ARL5B: variants seen among roughly 807,000 people sequenced by gnomAD.
The protein encoded by ARL5B is ADP-ribosylation factor-like protein 5B.
ARL5B carries 10 observed loss-of-function variants against 26.9 expected under a neutral mutation model. That is an observed-to-expected ratio of 0.37 (90% CI 0.23 to 0.63). The LOEUF is 0.63. Ranked by LOEUF, ARL5B falls within the 30% of genes least tolerant of loss-of-function variation. The pLI is 0.62. For synonymous variants in ARL5B, 87 were observed against 70.4 expected, an observed-to-expected ratio of 1.24 and a Z score of -1.18; for missense variants, 167 against 213.9, an observed-to-expected ratio of 0.78 and a Z score of 1.37.
intron 3 of ARL5B, among the ~76,000 whole-genome samples, chr10:18,670,226 G>A (rs576045749): frequency 3.9e-5 from 6 of 152,212 alleles, no homozygotes; most frequent in African/African-American, 1.2e-4. Context: ...ATTTTATTGG[G>A]TATGCAGAAG....
chr10:18,675,543 A>G lies in ARL5B; in HGVS notation c.*327A>G, dbSNP rs749328983. ...TCTTCTGAAATATTCTTATAACCTT[A>G]ATGACCAATTGCTTTCAATTCTTGA... On this transcript the variant is annotated 3_prime_UTR_variant, in exon 6 of 6. Transcript: ENST00000377275. 1.1e-4 allele frequency: 26 copies of G among 243,438 alleles called. No individual in the cohort carries two copies. Among genetic ancestry groups the G allele is most frequent in the Non-Finnish European group, 1.9e-4 (23 of 122,724 alleles). The allele number at this position is 243,438 out of a possible 1,614,324, so 15.1% of individuals were successfully genotyped here.
Position 18,668,510 on chromosome 10 carries a change from C to T in ARL5B, c.108-20C>T, listed in dbSNP as rs201475813. On this transcript the variant is annotated intron_variant, in intron 2 of 5. Transcript: ENST00000377275. ...TTCTCAAGATTTACAAGAGCTTTTA[C>T]GGTGTCTGTTTTTCAACAGCTTAAT... 1.7e-5 allele frequency: 27 copies of T among 1,611,848 alleles called. No individual in the cohort carries two copies. Among genetic ancestry groups the T allele is most frequent in the East Asian group, 8.9e-5 (4 of 44,834 alleles).
At position 18,676,215 on chromosome 10, in the gene ARL5B, A is replaced by G. The variant is rs559383949; in HGVS notation, c.*999A>G. ...AATTTGAAGTCGTGTCTGTCATAGC[A>G]TTTTTACTACCAGCAGTATGTTACT... is the stretch of plus-strand genomic sequence containing the variant. On this transcript the variant is annotated 3_prime_UTR_variant, in exon 6 of 6. Coordinates refer to ENST00000377275, the MANE Select transcript of ARL5B (RefSeq NM_178815.5). 1 of 152,534 alleles carries G rather than the reference A, an allele frequency of 6.6e-6. No homozygotes were observed. Among genetic ancestry groups the G allele is most frequent in the Admixed American group, 6.5e-5 (1 of 15,272 alleles). 9.4% of individuals were successfully genotyped at this position (152,534 alleles called of 1,614,324 possible).
intron 1 of ARL5B, among the ~76,000 whole-genome samples, 177 bp from the exon 2 acceptor site, chr10:18,666,398 T>C (rs899345716): frequency 6.6e-6 from 1 of 152,250 alleles, no homozygotes; most frequent in Admixed American, 6.5e-5. Flanking sequence ...ATAATTGATT[T>C]TGTTACTTAA....
chr10:18,674,189 T>G (rs2059900525), intron 5 of ARL5B, 54 bp downstream of exon 5: 5 of 1,519,142 alleles, frequency 3.3e-6, no homozygotes, highest in Non-Finnish European at 4.4e-6. Flanking sequence ...TCTTCCAACT[T>G]TTTAGGCCAA....
intron 1 of ARL5B, 73 bp downstream of exon 1, chr10:18,659,756 A>G: frequency 6.3e-7 from 1 of 1,583,790 alleles, no homozygotes; most frequent in Non-Finnish European, 8.6e-7. Context: ...GACACCGGAG[A>G]CAGGGGACAG....
In ARL5B at chr10:18,670,698, C is replaced by T. The variant is rs186830245; in HGVS notation, c.256-1924C>T. Among the ~76,000 whole-genome samples, 27 of 152,274 alleles carry T rather than the reference C, an allele frequency of 1.8e-4. 1 individual carries two copies. In the East Asian group the frequency reaches 4.8e-3, roughly 27 times the overall value. On this transcript the variant is annotated intron_variant, in intron 3 of 5. Coordinates refer to ENST00000377275, the MANE Select transcript of ARL5B (RefSeq NM_178815.5). ...AGAGCTGTTAGTAGTTTTAAGCTCA[C>T]AGTTAACTCCAGCTGTGAAAAGGGC...
In ARL5B at chr10:18,674,194, G is replaced by A; in HGVS notation, c.491+59G>A. ...CTTTCAAATTTCTTCCAACTTTTTA[G>A]GCCAACTTGTTTTCTTCATGGGTCC... On this transcript the variant is annotated intron_variant, in intron 5 of 5. Transcript: ENST00000377275. The A allele has an allele frequency of 2.7e-6, 4 of 1,505,330 alleles. No homozygotes were observed. The South Asian group carries it at 5.2e-5, about 20-fold the overall frequency. The allele number at this position is 1,505,330 out of a possible 1,614,324, so 93.2% of individuals were successfully genotyped here. A position where few individuals can be genotyped will look rare whatever the true frequency, so the allele number is the denominator to read the frequency against.
chr10:18,673,349 T>A (rs981103121), intron 4 of ARL5B, among the ~76,000 whole-genome samples: 2 of 152,146 alleles, frequency 1.3e-5, no homozygotes, highest in Non-Finnish European at 2.9e-5. Context: ...TGTGAGCCAC[T>A]GTGCCTGGCC....
intron 1 of ARL5B, among the ~76,000 whole-genome samples, chr10:18,664,026 T>A (rs953612728): frequency 1.3e-5 from 2 of 151,996 alleles, no homozygotes; most frequent in Non-Finnish European, 2.9e-5. Context: ...CAATCTCAGC[T>A]CACTGCCACC....
chr10:18,674,841 A>G (rs796535466), intron 5 of ARL5B, among the ~76,000 whole-genome samples: 16 of 152,290 alleles, frequency 1.1e-4, no homozygotes, highest in African/African-American at 3.8e-4. Flanking sequence ...TGAGGAGGAT[A>G]AGGTGAAGTT....
At position 18,659,670 on chromosome 10, in the gene ARL5B, C is replaced by T. The variant is rs770265970; in HGVS notation, c.33C>T (p.Leu11=). 97 of 1,613,178 alleles carry T rather than the reference C, an allele frequency of 6.0e-5. No individual in the cohort carries two copies. The East Asian group carries it at 2.1e-3, about 34-fold the overall frequency. Reference sequence around the variant, plus strand: ...TGATCTTCGCCAAACTGTGGAGCCTCTTCTGTAACCAAGGTGAGAAGAATG... The same window carrying T: ...TGATCTTCGCCAAACTGTGGAGCCTTTTCTGTAACCAAGGTGAGAAGAATG... MGLIFAKLWS[L]FCNQEHKVII... Residue 11 remains leucine, a synonymous_variant, in exon 1 of 6, where the codon CTC becomes CTT. Coordinates refer to ENST00000377275, the MANE Select transcript of ARL5B (RefSeq NM_178815.5).
At position 18,659,535 on chromosome 10, in the gene ARL5B, C is replaced by T; in HGVS notation, c.-103C>T. ...TAGCAGTGCCCTCGCTGCGCGATCT[C>T]AGGCGGGTTCTCCTCGGCTCCGCGC... On this transcript the variant is annotated 5_prime_UTR_variant, in exon 1 of 6. Coordinates refer to ENST00000377275, the MANE Select transcript of ARL5B (RefSeq NM_178815.5). 1 of 1,413,542 alleles carries T rather than the reference C, an allele frequency of 7.1e-7. No homozygotes were observed. The allele number at this position is 1,413,542 out of a possible 1,614,324, so 87.6% of individuals were successfully genotyped here. A position where few individuals can be genotyped will look rare whatever the true frequency, so the allele number is the denominator to read the frequency against.
intron 1 of ARL5B, among the ~76,000 whole-genome samples, chr10:18,660,453 C>T (rs1322971240): frequency 6.6e-6 from 1 of 152,152 alleles, no homozygotes; most frequent in East Asian, 1.9e-4. Flanking sequence ...TTTGAGGCGT[C>T]CTTTGAACAG....
chr10:18,666,505 CATT>C (rs2059861773), intron 1 of ARL5B, 67 bp from the exon 2 acceptor site: 1 of 1,259,134 alleles, frequency 7.9e-7, no homozygotes, highest in South Asian at 1.4e-5. Context: ...AACTAATAAT[CATT>C]GTTGAAAGCA....
intron 3 of ARL5B, among the ~76,000 whole-genome samples, chr10:18,668,931 G>T (rs1034330651): frequency 6.6e-6 from 1 of 151,838 alleles, no homozygotes; most frequent in African/African-American, 2.4e-5. Context: ...CACCACACCC[G>T]GCTAATTTTT....
intron 1 of ARL5B, among the ~76,000 whole-genome samples, chr10:18,664,297 G>C (rs2059850725): frequency 1.3e-5 from 2 of 151,964 alleles, no homozygotes; most frequent in Admixed American, 1.3e-4. Context: ...GTATTGCCCA[G>C]TTTGGTCTCA....
In ARL5B at chr10:18,668,554, T is replaced by G; in HGVS notation, c.132T>G (p.Thr44=). The G allele has an allele frequency of 6.2e-7, 1 of 1,614,154 alleles. No individual in the cohort carries two copies. Among genetic ancestry groups the G allele is most frequent in the Non-Finnish European group, 8.5e-7 (1 of 1,180,024 alleles). ...GCTTAATGAATGAAGTGGTTCATACTTCTCCAACCATAGGAAGCAATGTTG... is the reference window on the plus strand; with the variant it reads ...GCTTAATGAATGAAGTGGTTCATACGTCTCCAACCATAGGAAGCAATGTTG... The part of the protein sequence containing the change: ...YQFLMNEVVH[T]SPTIGSNVEE... The change falls in exon 3 of 6, where the codon ACT becomes ACG. Residue 44 remains threonine (T), a synonymous_variant. Transcript: ENST00000377275.
intron 1 of ARL5B, among the ~76,000 whole-genome samples, chr10:18,662,894 G>A (rs1198468252): frequency 4.0e-5 from 6 of 151,592 alleles, no homozygotes; most frequent in African/African-American, 1.2e-4. Flanking sequence ...GTAGAGGTGG[G>A]GTTTCACCAT....
Sources: allele counts gnomAD v4.1 joint callset (sites outside exome capture counted in the v4.1 genomes callset), GRCh38; gene constraint gnomAD v4.1.1; transcripts MANE v1.5; gene names NCBI Gene and HGNC (gene_info 2026-07-23, HGNC 2026-07-21).